The following LRRD1 variants were observed in gnomAD, a reference collection of about 807,000 sequenced individuals.
LRRD1 encodes leucine rich repeats and death domain containing 1.
Under a neutral mutation model 69.5 loss-of-function variants are expected in LRRD1, and 49 were observed. That is an observed-to-expected ratio of 0.70 (90% CI 0.56 to 0.89). The LOEUF (loss-of-function observed/expected upper bound fraction) is 0.89, where lower values mean the gene tolerates loss of function less well. Ranked by LOEUF, LRRD1 falls within the 40% of genes least tolerant of loss-of-function variation. The pLI, the probability that LRRD1 is intolerant of heterozygous loss-of-function variation, is 0.00. For synonymous variants in LRRD1, 303 were observed against 338.9 expected (o/e 0.89, Z 1.16); for missense variants, 853 against 956.0 (o/e 0.89, Z 1.42).
chr7:92,177,995 G>A (rs1012238966), intron 1 of LRRD1, among the ~76,000 whole-genome samples: 2 of 152,102 alleles, frequency 1.3e-5, no homozygotes, highest in African/African-American at 4.8e-5. Flanking sequence ...CATTGAAGAG[G>A]CTGCCACCAA....
intron 1 of LRRD1, among the ~76,000 whole-genome samples, chr7:92,173,055 T>C (rs1465148117): frequency 2.0e-5 from 3 of 152,152 alleles, no homozygotes; most frequent in Non-Finnish European, 4.4e-5. Flanking sequence ...TTTACAGCCA[T>C]CTCATTTTTG....
intron 1 of LRRD1, among the ~76,000 whole-genome samples, chr7:92,175,741 A>G (rs1359826505): frequency 1.3e-5 from 2 of 152,196 alleles, no homozygotes; most frequent in African/African-American, 4.8e-5. Context: ...AAAAAATGCT[A>G]TGCTTTGCTT....
At chr7:92,161,306 T>G (rs756741591) in intron 2 of LRRD1, among the ~76,000 whole-genome samples, 25 of 152,384 alleles carry the variant, frequency 1.6e-4, no homozygotes, top group Non-Finnish European at 3.1e-4. Flanking sequence ...TTCAACTACA[T>G]GGGATATTCT....
At position 92,164,566 on chromosome 7, in the gene LRRD1, A is replaced by G. The variant is rs1014066885; in HGVS notation, c.637T>C (p.Leu213=). ...LPSEIQLLHN[L]RILNVSHNHI... ...TTATGACTGACATTTAATATCCTTA[A>G]ATTATGAAGTAACTGAATTTCAGAT... is the stretch of plus-strand genomic sequence containing the variant. The change falls in exon 2 of 6, where the codon TTA becomes CTA. Residue 213 remains leucine, a synonymous_variant. Coordinates refer to ENST00000458448, the MANE Select transcript of LRRD1 (RefSeq NM_001161528.2). 9 of 1,550,912 alleles carry G rather than the reference A, an allele frequency of 5.8e-6. No homozygotes were observed. The African/African-American group carries it at 1.2e-4, about 21-fold the overall frequency.
rs1275807266 is a variant in LRRD1 at position 92,164,286 on chromosome 7, ATTAACT to A, written c.911_916del (p.Lys304_Leu305del). On this transcript the variant is annotated inframe_deletion, in exon 2 of 6. Transcript: ENST00000458448. Reference sequence around the variant, plus strand: ...TAGGTTTCCAGTAAGGTCTAGTGAAATTAACTTTGGAAGGAAGCAGAGAGCTTTAGG... The same window carrying A: ...TAGGTTTCCAGTAAGGTCTAGTGAAATTGGAAGGAAGCAGAGAGCTTTAGG... The A allele has an allele frequency of 6.4e-7, 1 of 1,550,984 alleles. No homozygotes were observed. Among genetic ancestry groups the A allele is most frequent in the African/African-American group, 1.4e-5 (1 of 73,154 alleles).
chr7:92,159,000 C>T lies in LRRD1; in HGVS notation c.2116+5G>A. On this transcript the variant is annotated splice_donor_5th_base_variant and intron_variant, in intron 3 of 5. Transcript: ENST00000458448. ...TTATGCTTACTGATTATGCTTGACA[C>T]TCACCACTCAGGTTTAGTTGCTGCA... 6.5e-7 allele frequency: 1 copy of T among 1,534,202 alleles called. No homozygotes were observed. The highest frequency in any genetic ancestry group is 8.8e-7 in the Non-Finnish European group (1 of 1,141,754).
Position 92,150,531 on chromosome 7 carries a change from T to C in LRRD1, c.2278+3A>G, listed in dbSNP as rs1263458584. The C allele has an allele frequency of 1.1e-5, 17 of 1,535,440 alleles. No homozygotes were observed. In the East Asian group the frequency reaches 4.2e-4, roughly 38 times the overall value. ...GTTAGATAGTCAATCACTCATCACC[T>C]ACCATCTCTTTCATCTGCCCTCTGT... On this transcript the variant is annotated splice_donor_region_variant and intron_variant, in intron 4 of 5. Coordinates refer to ENST00000458448, the MANE Select transcript of LRRD1 (RefSeq NM_001161528.2).
At chr7:92,174,507 A>AT (rs1563195862) in intron 1 of LRRD1, among the ~76,000 whole-genome samples, 5 of 16,642 alleles carry the variant, frequency 3.0e-4, no homozygotes, top group Non-Finnish European at 4.7e-4. Flanking sequence ...ATATATATAT[A>AT]TATTTTTTTT....
intron 3 of LRRD1, among the ~76,000 whole-genome samples, chr7:92,158,580 T>C (rs528781449): frequency 1.5e-3 from 230 of 152,276 alleles, no homozygotes; most frequent in Non-Finnish European, 2.9e-3. Context: ...TTGGTTATTG[T>C]AATGCTTTAC....
intron 1 of LRRD1, among the ~76,000 whole-genome samples, chr7:92,170,599 A>G (rs887856754): frequency 3.3e-5 from 5 of 152,264 alleles, no homozygotes; most frequent in Non-Finnish European, 7.3e-5. Flanking sequence ...CAATAATAGT[A>G]GGGAATTTCA....
At chr7:92,150,473 T>C in intron 4 of LRRD1, 61 bp downstream of exon 4, 1 of 1,382,464 alleles carries the variant, frequency 7.2e-7, no homozygotes, top group Non-Finnish European at 9.6e-7. Context: ...TCCAAAAATA[T>C]TAAAATAAAA....
At chr7:92,158,861 A>T in intron 3 of LRRD1, 144 bp downstream of exon 3, 1 of 614,694 alleles carries the variant, frequency 1.6e-6, no homozygotes, top group Non-Finnish European at 2.7e-6. Flanking sequence ...CATTTTCTGT[A>T]CCTAGGACAG....
chr7:92,144,190 G>C (rs1015518324), downstream of LRRD1, among the ~76,000 whole-genome samples: 2 of 152,124 alleles, frequency 1.3e-5, no homozygotes, highest in African/African-American at 4.8e-5. Context: ...AGAAAAAGTA[G>C]GAATGGTATA....
At chr7:92,154,236 G>T (rs1020139211) in intron 3 of LRRD1, among the ~76,000 whole-genome samples, 1 of 151,472 alleles carries the variant, frequency 6.6e-6, no homozygotes, top group Admixed American at 6.6e-5. Context: ...CCAAAGTTTT[G>T]ATTTTTTTCA....
chr7:92,178,141 G>A (rs1027885449), intron 1 of LRRD1, among the ~76,000 whole-genome samples: 27 of 152,032 alleles, frequency 1.8e-4, no homozygotes, highest in Non-Finnish European at 3.4e-4. Flanking sequence ...GTGAAACCCC[G>A]TCTGTACTAA....
chr7:92,178,161 A>C (rs1023889703), intron 1 of LRRD1, among the ~76,000 whole-genome samples: 3 of 152,016 alleles, frequency 2.0e-5, no homozygotes, highest in African/African-American at 7.2e-5. Flanking sequence ...AAAATACAAA[A>C]AATTAGCCAG....
chr7:92,142,751 T>C (rs1820190802), downstream of LRRD1: 1 of 441,066 alleles, frequency 2.3e-6, no homozygotes, highest in Admixed American at 2.6e-5. Flanking sequence ...GTTACAGCTC[T>C]TAAGGCGGCG....
chr7:92,174,486 T>TATATAC (rs1563195681), intron 1 of LRRD1, among the ~76,000 whole-genome samples: 1 of 16,304 alleles, frequency 6.1e-5, no homozygotes, highest in Non-Finnish European at 1.5e-4. Context: ...TATATATATA[T>TATATAC]ATATATATAT....
At chr7:92,155,495 G>A (rs964943260) in intron 3 of LRRD1, among the ~76,000 whole-genome samples, 3 of 152,138 alleles carry the variant, frequency 2.0e-5, no homozygotes, top group Non-Finnish European at 4.4e-5. Context: ...GAACTACCAT[G>A]GCAAAAATCA....
Sources: allele counts gnomAD v4.1 joint callset (sites outside exome capture counted in the v4.1 genomes callset), GRCh38; gene constraint gnomAD v4.1.1; transcripts MANE v1.5; gene names NCBI Gene and HGNC (gene_info 2026-07-23, HGNC 2026-07-21).